The following SF3B2 variants were observed in gnomAD, a reference collection of about 807,000 sequenced individuals.
SF3B2 encodes the protein splicing factor 3b subunit 2, also known as SAP 145.
A neutral mutation model predicts 116.3 loss-of-function variants in SF3B2; 22 were observed. That is an observed-to-expected ratio of 0.19 (90% CI 0.14 to 0.27). SF3B2 has a LOEUF of 0.27. Among genes scored for constraint, SF3B2 ranks in the 10% least tolerant of loss-of-function variants. The probability of loss-of-function intolerance (pLI) is 1.00; values close to 1 mark genes in which losing one functional copy is unlikely to be tolerated. For missense variants in SF3B2, 767 were observed against 1,151.4 expected, an observed-to-expected ratio of 0.67 and a Z score of 4.83; for synonymous variants, 406 against 421.6, an observed-to-expected ratio of 0.96 and a Z score of 0.45.
intron 19 of SF3B2, chr11:66,067,624 C>T (rs180829471): frequency 5.9e-5 from 28 of 475,362 alleles, no homozygotes; most frequent in African/African-American, 5.3e-4. Context: ...ATCTTGCCAG[C>T]TTCTCTGTAC....
At chr11:66,062,936 G>T in intron 16 of SF3B2, 73 bp from the exon 17 acceptor site, 1 of 928,708 alleles carries the variant, frequency 1.1e-6, no homozygotes. Flanking sequence ...ACTTTTGAGT[G>T]TGCCTTTTCT....
chr11:66,052,864 C>T, intron 2 of SF3B2, 145 bp downstream of exon 2: 1 of 1,234,442 alleles, frequency 8.1e-7, no homozygotes, highest in Non-Finnish European at 1.2e-6. Context: ...TTGCCTTTGC[C>T]AGCTTAGTTG....
intron 9 of SF3B2, 95 bp from the exon 10 acceptor site, chr11:66,058,735 G>T: frequency 9.2e-7 from 1 of 1,088,820 alleles, no homozygotes; most frequent in Non-Finnish European, 1.3e-6. Flanking sequence ...CCTGACTGTT[G>T]AACTGTGGGG....
At position 66,052,466 on chromosome 11, in the gene SF3B2, G is replaced by C. The variant is rs1856895744; in HGVS notation, c.82G>C (p.Ala28Pro). 1 of 1,613,644 alleles carries C rather than the reference G, an allele frequency of 6.2e-7. No homozygotes were observed. Among genetic ancestry groups the C allele is most frequent in the African/African-American group, 1.3e-5 (1 of 74,928 alleles). ...ACCTCCAGGCCACTATGGCGCCTGG[G>C]CTGCCCAGGAGCTTCAGGCCAAGTT... ...PPPPGHYGAW[A>P]AQELQAKLAE... is the part of the protein sequence containing the mutation. Residue 28 changes from alanine to proline, a missense_variant, in exon 1 of 22, where the codon GCT becomes CCT. Ala to Pro is a conservative substitution (Grantham distance 27). Around this residue, in one of 4 missense-constraint regions of SF3B2, gnomAD observed 455 missense variants for 537.5 expected, o/e 0.85. Coordinates refer to ENST00000322535, the MANE Select transcript of SF3B2 (RefSeq NM_006842.3).
At chr11:66,052,574 G>A in intron 1 of SF3B2, 57 bp downstream of exon 1, 1 of 1,595,280 alleles carries the variant, frequency 6.3e-7, no homozygotes, top group Non-Finnish European at 8.5e-7. Flanking sequence ...GCGGAGCCTG[G>A]TTACCCGGGA....
chr11:66,053,123 T>A lies in SF3B2; in HGVS notation c.258+19T>A, dbSNP rs762093208. 1 of 1,608,200 alleles carries A rather than the reference T, an allele frequency of 6.2e-7. No homozygotes were observed. Among genetic ancestry groups the A allele is most frequent in the Non-Finnish European group, 8.5e-7 (1 of 1,175,248 alleles). On this transcript the variant is annotated intron_variant, in intron 3 of 21. Coordinates refer to ENST00000322535, the MANE Select transcript of SF3B2 (RefSeq NM_006842.3). ...GGCACAGGTAGGGAGATTCTTCTGTTTTTTAAGATTCCATCTGCTGATCCT... is the reference window on the plus strand; with the variant it reads ...GGCACAGGTAGGGAGATTCTTCTGTATTTTAAGATTCCATCTGCTGATCCT...
Position 66,055,090 on chromosome 11 carries a change from C to T in SF3B2, c.273C>T (p.Pro91=), listed in dbSNP as rs1856967097. The change falls in exon 4 of 22, where the codon CCC becomes CCT. Residue 91 remains proline, a synonymous_variant. Coordinates refer to ENST00000322535, the MANE Select transcript of SF3B2 (RefSeq NM_006842.3). ...TTTCTCCACAGCTCCCTGGAATTCCCATGCCACCACCACCTTTGGGACTCC... is the reference window on the plus strand; with the variant it reads ...TTTCTCCACAGCTCCCTGGAATTCCTATGCCACCACCACCTTTGGGACTCC... ...PPMSAQLPGI[P]MPPPPLGLPP... is the part of the protein sequence containing the mutation. 1.3e-6 allele frequency: 2 copies of T among 1,514,586 alleles called. No homozygotes were observed. The highest frequency in any genetic ancestry group is 1.8e-6 in the Non-Finnish European group (2 of 1,130,368). 93.8% of individuals were successfully genotyped at this position (1,514,586 alleles called of 1,614,324 possible). A position where few individuals can be genotyped will look rare whatever the true frequency, so the allele number is the denominator to read the frequency against.
chr11:66,060,048 C>T (rs1857075283), intron 13 of SF3B2, 39 bp downstream of exon 13: 11 of 1,571,922 alleles, frequency 7.0e-6, no homozygotes, highest in Non-Finnish European at 9.6e-6. Flanking sequence ...CCCCGGGTGT[C>T]CCCATCCTTC....
Position 66,068,932 on chromosome 11 carries a change from T to G in SF3B2, c.*187T>G, listed in dbSNP as rs72932698. ...ACACTCCTGAGCCTCCCTCATCTCC[T>G]TTTAGCCCCTTCTTGCAAAAGGACT... On this transcript the variant is annotated 3_prime_UTR_variant, in exon 22 of 22. Coordinates refer to ENST00000322535, the MANE Select transcript of SF3B2 (RefSeq NM_006842.3). 14,747 of 567,404 alleles carry G rather than the reference T, an allele frequency of 0.026. 200 individuals are homozygous for G. The highest frequency in any genetic ancestry group is 0.036 in the East Asian group (1,253 of 34,852). 35.1% of individuals were successfully genotyped at this position (567,404 alleles called of 1,614,324 possible).
At position 66,056,907 on chromosome 11, in the gene SF3B2, C is replaced by G; in HGVS notation, c.619C>G (p.Pro207Ala). The G allele has an allele frequency of 6.2e-7, 1 of 1,614,168 alleles. No homozygotes were observed. Among genetic ancestry groups the G allele is most frequent in the Non-Finnish European group, 8.5e-7 (1 of 1,180,014 alleles). The change falls in exon 6 of 22, where the codon CCA becomes GCA. Residue 207 changes from proline (P) to alanine (A), a missense_variant. Around this residue, in one of 4 missense-constraint regions of SF3B2, gnomAD observed 455 missense variants for 537.5 expected, o/e 0.85. Transcript: ENST00000322535. Reference sequence around the variant, plus strand: ...GATGGGCACCCCAGTCCCTCGGCCCCCACAAGACATGGGCCAGATTGGTGT... The same window carrying G: ...GATGGGCACCCCAGTCCCTCGGCCCGCACAAGACATGGGCCAGATTGGTGT... ...AKMGTPVPRP[P>A]QDMGQIGVRT...
Position 66,052,635 on chromosome 11 carries a change from G to A in SF3B2, c.134-38G>A, listed in dbSNP as rs375757595. The A allele has an allele frequency of 7.7e-4, 1,221 of 1,595,166 alleles. 2 individuals are homozygous for A. The highest frequency in any genetic ancestry group is 9.7e-4 in the Non-Finnish European group (1,132 of 1,171,818). On this transcript the variant is annotated intron_variant, in intron 1 of 21. Transcript: ENST00000322535. ...GGCCGCTGGGGCCTGACCTGGCCGG[G>A]CTGGCCTGCCCCATTGATCGTGTAC...
chr11:66,058,421 G>C lies in SF3B2; in HGVS notation c.966+16G>C, dbSNP rs996235250. The C allele has an allele frequency of 4.4e-6, 7 of 1,601,624 alleles. No individual in the cohort carries two copies. Among genetic ancestry groups the C allele is most frequent in the Non-Finnish European group, 6.0e-6 (7 of 1,169,262 alleles). On this transcript the variant is annotated intron_variant, in intron 9 of 21. Coordinates refer to ENST00000322535, the MANE Select transcript of SF3B2 (RefSeq NM_006842.3). ...TAAAAAGGAGGTAGGGATTGGAGCT[G>C]AGTGTGGAAGGAAAGCCAGGAGATG...
rs375184763 is a variant in SF3B2 at position 66,069,000 on chromosome 11, A to G, written c.*255A>G. On this transcript the variant is annotated 3_prime_UTR_variant, in exon 22 of 22. Coordinates refer to ENST00000322535, the MANE Select transcript of SF3B2 (RefSeq NM_006842.3). ...CAATCACTGGGCTGCCCCAGTAACC[A>G]CGAACATAAACTGGGATTAGACGGC... 5.7e-5 allele frequency: 27 copies of G among 471,006 alleles called. No individual in the cohort carries two copies. The highest frequency in any genetic ancestry group is 3.9e-4 in the African/African-American group (20 of 51,472). 29.2% of individuals were successfully genotyped at this position (471,006 alleles called of 1,614,324 possible).
chr11:66,055,092 T>TGCC lies in SF3B2; in HGVS notation c.276_278dup (p.Pro96dup). On this transcript the variant is annotated inframe_insertion, in exon 4 of 22. Coordinates refer to ENST00000322535, the MANE Select transcript of SF3B2 (RefSeq NM_006842.3). ...TCTCCACAGCTCCCTGGAATTCCCA[T>TGCC]GCCACCACCACCTTTGGGACTCCCC... The TGCC allele has an allele frequency of 1.3e-6, 2 of 1,516,838 alleles. No individual in the cohort carries two copies. The allele number at this position is 1,516,838 out of a possible 1,614,324, so 94.0% of individuals were successfully genotyped here.
rs781632333 is a variant in SF3B2, at chr11:66,060,602, G to A, written c.1650G>A (p.Lys550=). The A allele has an allele frequency of 9.3e-6, 15 of 1,614,030 alleles. No individual in the cohort carries two copies. The highest frequency in any genetic ancestry group is 2.2e-5 in the East Asian group (1 of 44,892). The change falls in exon 14 of 22, where the codon AAG becomes AAA. Residue 550 remains lysine (K), a synonymous_variant. Coordinates refer to ENST00000322535, the MANE Select transcript of SF3B2 (RefSeq NM_006842.3). The part of the protein sequence containing the change: ...LQEKEEQKTM[K]SKMREKVRPK... ...CACAGGAAGAACAGAAGACCATGAA[G>A]TCAAAAATGCGAGAGAAAGTTCGGC...
At chr11:66,063,190 T>C in intron 17 of SF3B2, 74 bp downstream of exon 17, 1 of 1,206,538 alleles carries the variant, frequency 8.3e-7, no homozygotes, top group Non-Finnish European at 1.2e-6. Context: ...ATAGCTTCAT[T>C]ATCAGGGAGT....
At chr11:66,058,608 G>C (rs982996262) in intron 9 of SF3B2, 2 of 629,156 alleles carry the variant, frequency 3.2e-6, no homozygotes, top group South Asian at 2.0e-5. Flanking sequence ...AAAAGCAGAG[G>C]TTCTGAGACG....
chr11:66,056,804 T>G (rs199804896), intron 5 of SF3B2, 34 bp from the exon 6 acceptor site: 2 of 1,532,580 alleles, frequency 1.3e-6, no homozygotes, highest in African/African-American at 1.4e-5. Context: ...AAATGCGTTT[T>G]CAGGCAGTAT....
chr11:66,058,429 A>C lies in SF3B2; in HGVS notation c.966+24A>C, dbSNP rs1419856424. ...AGGTAGGGATTGGAGCTGAGTGTGG[A>C]AGGAAAGCCAGGAGATGGGACTTGG... is the stretch of plus-strand genomic sequence containing the variant. On this transcript the variant is annotated intron_variant, in intron 9 of 21. Coordinates refer to ENST00000322535, the MANE Select transcript of SF3B2 (RefSeq NM_006842.3). 1.3e-5 allele frequency: 20 copies of C among 1,583,262 alleles called. No individual in the cohort carries two copies. In the Admixed American group the frequency reaches 3.0e-4, roughly 24 times the overall value.
Sources: allele counts gnomAD v4.1 joint callset, GRCh38; gene constraint gnomAD v4.1.1; regional missense constraint gnomAD v4.1.1; transcripts MANE v1.5; gene names NCBI Gene and HGNC (gene_info 2026-07-23, HGNC 2026-07-21).